The following FHIT variants were observed in gnomAD, a reference collection of about 807,000 sequenced individuals.
The protein encoded by FHIT is fragile histidine triad diadenosine triphosphatase.
In FHIT, 19 loss-of-function variants were observed where a neutral mutation model predicts 17.9. The observed-to-expected ratio is 1.06, with a 90% CI of 0.74 to 1.56. The LOEUF (loss-of-function observed/expected upper bound fraction) is 1.56. FHIT is among the 40% of genes most tolerant of loss of function. FHIT has a pLI of 0.00. For synonymous variants in FHIT, 81 were observed against 69.7 expected (o/e 1.16, Z -0.81); for missense variants, 248 against 189.2 (o/e 1.31, Z -1.82).
chr3:60,670,433 G>T (rs890610179), intron 4 of FHIT, among the ~76,000 whole-genome samples: 6 of 152,132 alleles, frequency 3.9e-5, no homozygotes, highest in African/African-American at 1.4e-4. Context: ...CTCCTCCTTT[G>T]TGTACAGTAG....
At chr3:60,537,445 G>C (rs762065939) in intron 4 of FHIT, 2 of 980,552 alleles carry the variant, frequency 2.0e-6, no homozygotes, top group Non-Finnish European at 2.4e-6. Flanking sequence ...GAACAAGTAC[G>C]AACACTGTCT....
At chr3:60,142,694 CTTTTTT>C (rs61244426) in intron 5 of FHIT, among the ~76,000 whole-genome samples, 1 of 141,642 alleles carries the variant, frequency 7.1e-6, no homozygotes. Context: ...TTTTTTTTTT[CTTTTTT>C]TTTTTAAGAG....
chr3:60,877,700 T>C (rs7615191), intron 3 of FHIT, among the ~76,000 whole-genome samples: 36,295 of 151,868 alleles, frequency 0.24, 4,801 homozygotes, highest in African/African-American at 0.34. Flanking sequence ...TGTAGTATCT[T>C]GTGTCCCAAG....
At chr3:60,583,745 C>T (rs527307033) in intron 4 of FHIT, among the ~76,000 whole-genome samples, 38 of 152,082 alleles carry the variant, frequency 2.5e-4, no homozygotes, top group Non-Finnish European at 5.3e-4. Flanking sequence ...TATTCATTTG[C>T]CATAACGCAA....
intron 4 of FHIT, among the ~76,000 whole-genome samples, chr3:60,719,916 A>G (rs1486989149): frequency 6.6e-6 from 1 of 152,108 alleles, no homozygotes; most frequent in Non-Finnish European, 1.5e-5. Context: ...ATGGCCACTC[A>G]ACTCATTACA....
intron 7 of FHIT, among the ~76,000 whole-genome samples, chr3:59,941,574 G>A (rs1269767466): frequency 6.6e-6 from 1 of 152,146 alleles, no homozygotes; most frequent in Admixed American, 6.5e-5. Context: ...GAGTTGGGAT[G>A]TTTTACTGCC....
chr3:61,157,779 C>T (rs1196004829), intron 2 of FHIT, among the ~76,000 whole-genome samples: 1 of 152,076 alleles, frequency 6.6e-6, no homozygotes, highest in Non-Finnish European at 1.5e-5. Flanking sequence ...TTCATAGCAG[C>T]ACCATTCATA....
At chr3:59,982,790 A>G (rs1385517727) in intron 7 of FHIT, among the ~76,000 whole-genome samples, 1 of 152,182 alleles carries the variant, frequency 6.6e-6, no homozygotes, top group East Asian at 1.9e-4. Context: ...CCAGCACATC[A>G]GCCCCAGTCC....
chr3:60,646,971 T>C (rs2039874815), intron 4 of FHIT, among the ~76,000 whole-genome samples: 1 of 152,230 alleles, frequency 6.6e-6, no homozygotes, highest in Non-Finnish European at 1.5e-5. Context: ...ATTTTTAAAA[T>C]AGCTCAGAAT....
rs75526513 is a variant in FHIT at position 60,047,398 on chromosome 3, C to T, written c.104-33246G>A. On this transcript the variant is annotated intron_variant, in intron 5 of 9. Coordinates refer to ENST00000492590, the MANE Select transcript of FHIT (RefSeq NM_002012.4). ...GGACATTTACACATATGGACACTGA[C>T]CAATCCTAAAAGAAAACTCAGGATA... Among the ~76,000 whole-genome samples, 1,235 of 152,228 alleles carry T rather than the reference C, an allele frequency of 8.1e-3. 15 individuals are homozygous for T. The highest frequency in any genetic ancestry group is 0.028 in the African/African-American group (1,176 of 41,526).
At chr3:59,773,758 A>G (rs1310607372) in intron 8 of FHIT, among the ~76,000 whole-genome samples, 1 of 152,076 alleles carries the variant, frequency 6.6e-6, no homozygotes, top group Non-Finnish European at 1.5e-5. Flanking sequence ...AAAGCAGAAC[A>G]TAAGGCCCCA....
At chr3:60,355,392 A>C (rs1051372702) in intron 5 of FHIT, among the ~76,000 whole-genome samples, 1 of 151,934 alleles carries the variant, frequency 6.6e-6, no homozygotes, top group Non-Finnish European at 1.5e-5. Flanking sequence ...CTAATCTGTC[A>C]TCTGTTATTT....
chr3:60,196,141 T>G (rs1186781479), intron 5 of FHIT, among the ~76,000 whole-genome samples: 5 of 152,208 alleles, frequency 3.3e-5, no homozygotes, highest in African/African-American at 1.2e-4. Context: ...TACTTAGGGC[T>G]TGAAACAACA....
chr3:60,351,862 C>G (rs568434658), intron 5 of FHIT, among the ~76,000 whole-genome samples: 56 of 148,158 alleles, frequency 3.8e-4, no homozygotes, highest in African/African-American at 1.3e-3. Context: ...CCTTCTCAGT[C>G]CTAGACCTGG....
intron 5 of FHIT, among the ~76,000 whole-genome samples, chr3:60,263,170 T>G (rs1032566860): frequency 6.6e-6 from 1 of 151,900 alleles, no homozygotes; most frequent in Non-Finnish European, 1.5e-5. Context: ...CTAAATAGAA[T>G]GGCTGAAATA....
intron 4 of FHIT, among the ~76,000 whole-genome samples, chr3:60,713,189 A>G (rs2107941685): frequency 1.3e-5 from 2 of 152,110 alleles, no homozygotes; most frequent in South Asian, 4.2e-4. Flanking sequence ...TGGGTACATA[A>G]TGAAATGAAG....
chr3:61,090,655 T>C (rs1237561453), intron 2 of FHIT, among the ~76,000 whole-genome samples: 1 of 152,076 alleles, frequency 6.6e-6, no homozygotes, highest in African/African-American at 2.4e-5. Flanking sequence ...TGTGAATGTG[T>C]GTGTGTAGAG....
rs546345871 is a variant in FHIT, at chr3:60,044,499, C to T, written c.104-30347G>A. ...CCCTCATTCCCTTTTCTACTCCCAG[C>T]ACTCCTTGGTTAAGTGTTTTAACAG... On this transcript the variant is annotated intron_variant, in intron 5 of 9. Transcript: ENST00000492590. 2.0e-5 allele frequency among the ~76,000 whole-genome samples: 3 copies of T among 152,204 alleles called. No homozygotes were observed. In the South Asian group the frequency reaches 6.2e-4, roughly 32 times the overall value.
At position 60,476,361 on chromosome 3, in the gene FHIT, G is replaced by A. The variant is rs562112015; in HGVS notation, c.103+60499C>T. 2.0e-5 allele frequency among the ~76,000 whole-genome samples: 3 copies of A among 152,212 alleles called. No homozygotes were observed. In the South Asian group the frequency reaches 6.2e-4, roughly 32 times the overall value. Reference sequence around the variant, plus strand: ...CTAGGCAACAGGTACAGGCCACAGGGGGAATAAACGCAAACGTCCAGTTAA... The same window carrying A: ...CTAGGCAACAGGTACAGGCCACAGGAGGAATAAACGCAAACGTCCAGTTAA... On this transcript the variant is annotated intron_variant, in intron 5 of 9. Coordinates refer to ENST00000492590, the MANE Select transcript of FHIT (RefSeq NM_002012.4).
Sources: allele counts gnomAD v4.1 joint callset (sites outside exome capture counted in the v4.1 genomes callset), GRCh38; gene constraint gnomAD v4.1.1; transcripts MANE v1.5; gene names NCBI Gene and HGNC (gene_info 2026-07-23, HGNC 2026-07-21).